NEK8: variants seen among roughly 807,000 people sequenced by gnomAD.
NEK8 encodes serine/threonine-protein kinase Nek8.
NEK8 carries 51 observed loss-of-function variants against 77.2 expected under a neutral mutation model. That is an observed-to-expected ratio of 0.66 (90% CI 0.53 to 0.83). The LOEUF (loss-of-function observed/expected upper bound fraction) is 0.83. Among genes scored for constraint, NEK8 ranks in the 40% least tolerant of loss-of-function variants. NEK8 has a pLI of 0.00. For synonymous variants in NEK8, 365 were observed against 363.2 expected, an observed-to-expected ratio of 1.00 and a Z score of -0.06; for missense variants, 787 against 909.2, an observed-to-expected ratio of 0.87 and a Z score of 1.73.
intron 10 of NEK8, among the ~76,000 whole-genome samples, chr17:28,739,733 C>G (rs1201222805): frequency 6.6e-6 from 1 of 151,992 alleles, no homozygotes. Context: ...AGGCGTGAGC[C>G]ACCACGCCTG....
In NEK8 at chr17:28,740,593, C is replaced by G. The variant is rs750034321; in HGVS notation, c.1548C>G (p.Ala516=). The change falls in exon 11 of 15, where the codon GCC becomes GCG. Residue 516 remains alanine (A), a synonymous_variant. Transcript: ENST00000268766. The surrounding 1 kb of genome is among the most constrained non-coding windows in gnomAD (Gnocchi z 4.7). ...TGATCCTCACTGTGCCTGGCCAAGC[C>G]CTAGCCTGTGGGAGCAACAGGTGAA... ...SSMILTVPGQ[A]LACGSNRFNK... 2 of 1,614,080 alleles carry G rather than the reference C, an allele frequency of 1.2e-6. No individual in the cohort carries two copies. Among genetic ancestry groups the G allele is most frequent in the Non-Finnish European group, 1.7e-6 (2 of 1,180,040 alleles).
Position 28,741,443 on chromosome 17 carries a change from C to T in NEK8, c.1922C>T (p.Ala641Val), listed in dbSNP as rs1321601981. 3.1e-6 allele frequency: 5 copies of T among 1,614,056 alleles called. No individual in the cohort carries two copies. Among genetic ancestry groups the T allele is most frequent in the Non-Finnish European group, 4.2e-6 (5 of 1,180,002 alleles). ...GAAGTGTACTCTTGGGGCAAAGGGG[C>T]GCGAGGTCGATTGGGAAGGAGGGAT... ...ESEVYSWGKG[A>V]RGRLGRRDED... Residue 641 changes from alanine (A) to valine (V), a missense_variant, in exon 14 of 15, where the codon GCG becomes GTG. Physicochemically the swap from Ala to Val is moderately conservative, Grantham distance 64 (BLOSUM62 0). Around this residue, in one of 2 missense-constraint regions of NEK8, gnomAD observed 516 missense variants for 544.0 expected, o/e 0.95. Transcript: ENST00000268766. This position sits in a 1 kb window ranked among gnomAD's most constrained non-coding sequence, Gnocchi z 4.5.
In NEK8 at chr17:28,737,358, C is replaced by G; in HGVS notation, c.671C>G (p.Ser224Cys). Reference sequence around the variant, plus strand: ...ATGAGTGGCACCTTTGCACCTATCTCTGACCGGTACAGCCCTGAGCTTCGC... The same window carrying G: ...ATGAGTGGCACCTTTGCACCTATCTGTGACCGGTACAGCCCTGAGCTTCGC... ...KIMSGTFAPISDRYSPELRQL... is the reference protein window; with the variant it reads ...KIMSGTFAPICDRYSPELRQL... Residue 224 changes from serine to cysteine, a missense_variant, in exon 5 of 15, where the codon TCT becomes TGT. Transcript: ENST00000268766. The surrounding 1 kb of genome is among the most constrained non-coding windows in gnomAD (Gnocchi z 4.8). 6.2e-7 allele frequency: 1 copy of G among 1,613,910 alleles called. No homozygotes were observed. The highest frequency in any genetic ancestry group is 8.5e-7 in the Non-Finnish European group (1 of 1,180,004).
intron 1 of NEK8, among the ~76,000 whole-genome samples, chr17:28,729,500 C>T (rs1272256784): frequency 6.6e-6 from 1 of 150,896 alleles, no homozygotes; most frequent in Non-Finnish European, 1.5e-5. Context: ...GGATTACAGG[C>T]GTGCGCCACC....
chr17:28,736,227 A>G (rs2034364422), intron 4 of NEK8, among the ~76,000 whole-genome samples: 1 of 152,208 alleles, frequency 6.6e-6, no homozygotes, highest in Non-Finnish European at 1.5e-5. Context: ...TAGTGCCACA[A>G]TAAACATACG....
At position 28,734,031 on chromosome 17, in the gene NEK8, C is replaced by G. The variant is rs774871392; in HGVS notation, c.96C>G (p.Ile32Met). 1 of 1,614,232 alleles carries G rather than the reference C, an allele frequency of 6.2e-7. No individual in the cohort carries two copies. ...LRKADQKLVIIKQIPVEQMTK... is the reference protein window; with the variant it reads ...LRKADQKLVIMKQIPVEQMTK... ...AGGCTGACCAGAAGCTGGTGATCAT[C>G]AAGCAGATTCCAGTGGAACAGATGA... Residue 32 changes from isoleucine to methionine, a missense_variant, in exon 2 of 15, where the codon ATC (isoleucine) becomes ATG (methionine). Ile to Met is a conservative substitution (Grantham distance 10). This residue lies in a region of NEK8 where 271 missense variants were observed against 365.1 expected (regional missense o/e 0.74). Coordinates refer to ENST00000268766, the MANE Select transcript of NEK8 (RefSeq NM_178170.3).
rs537909294 is a variant in NEK8, at chr17:28,730,958, G to C, written c.47+2098G>C. Among the ~76,000 whole-genome samples the C allele has an allele frequency of 1.5e-4, 23 of 151,326 alleles. No homozygotes were observed. In the South Asian group the frequency reaches 4.2e-3, roughly 28 times the overall value. On this transcript the variant is annotated intron_variant, in intron 1 of 14. Coordinates refer to ENST00000268766, the MANE Select transcript of NEK8 (RefSeq NM_178170.3). The stretch of plus-strand genomic sequence containing the variant: ...TAATACAAGAAAAAAAGAAAGAAAG[G>C]AAAGAAAGAAGGGGCCGGGCACGGT...
At chr17:28,738,047 C>T (rs1268368189) in intron 7 of NEK8, 47 bp downstream of exon 7, 1 of 1,612,976 alleles carries the variant, frequency 6.2e-7, no homozygotes, top group East Asian at 2.2e-5. Context: ...TGGAGGTCCA[C>T]AGCAGGGTTG....
rs2034377802 is a variant in NEK8, at chr17:28,737,601, G to A, written c.828-74G>A. The stretch of plus-strand genomic sequence containing the variant: ...GGAGGTCTGAGGCAGAGGGAAACCT[G>A]GGGCAAGTCCTCCCTTCCTGCATGT... On this transcript the variant is annotated intron_variant, in intron 5 of 14. Transcript: ENST00000268766. This position sits in a 1 kb window ranked among gnomAD's most constrained non-coding sequence, Gnocchi z 4.8. 6.2e-7 allele frequency: 1 copy of A among 1,613,718 alleles called. No homozygotes were observed. Among genetic ancestry groups the A allele is most frequent in the Admixed American group, 1.7e-5 (1 of 59,966 alleles).
In NEK8 at chr17:28,740,582, C is replaced by T; in HGVS notation, c.1537C>T (p.Pro513Ser). The change falls in exon 11 of 15, where the codon CCT becomes TCT. Residue 513 changes from proline (P) to serine (S), a missense_variant. Physicochemically the swap from Pro to Ser is moderately conservative, Grantham distance 74. This residue lies in a region of NEK8 where 516 missense variants were observed against 544.0 expected (regional missense o/e 0.95). Coordinates refer to ENST00000268766, the MANE Select transcript of NEK8 (RefSeq NM_178170.3). The surrounding 1 kb of genome is among the most constrained non-coding windows in gnomAD (Gnocchi z 4.7). ...CGATTCCTCCATGATCCTCACTGTG[C>T]CTGGCCAAGCCCTAGCCTGTGGGAG... Reference protein sequence around the residue: ...GIDSSMILTVPGQALACGSNR... With the variant: ...GIDSSMILTVSGQALACGSNR... 7 of 1,614,196 alleles carry T rather than the reference C, an allele frequency of 4.3e-6. No individual in the cohort carries two copies. Among genetic ancestry groups the T allele is most frequent in the Non-Finnish European group, 5.9e-6 (7 of 1,180,030 alleles).
chr17:28,742,096 T>G lies in NEK8; in HGVS notation c.*109T>G. On this transcript the variant is annotated 3_prime_UTR_variant, in exon 15 of 15. Transcript: ENST00000268766. ...TGCAGCTGTCTCCTGGATTGTGTCATCATGGGGTATCAGGGCTGGCAAAAC... is the reference window on the plus strand; with the variant it reads ...TGCAGCTGTCTCCTGGATTGTGTCAGCATGGGGTATCAGGGCTGGCAAAAC... The G allele has an allele frequency of 8.9e-7, 1 of 1,118,096 alleles. No individual in the cohort carries two copies. Among genetic ancestry groups the G allele is most frequent in the Non-Finnish European group, 1.4e-6 (1 of 728,188 alleles). The allele number at this position is 1,118,096 out of a possible 1,614,324, so 69.3% of individuals were successfully genotyped here. A position where few individuals can be genotyped will look rare whatever the true frequency, so the allele number is the denominator to read the frequency against.
rs1260596947 is a variant in NEK8, at chr17:28,738,567, G to T, written c.1223-104G>T. The T allele has an allele frequency of 4.0e-6, 4 of 996,520 alleles. No individual in the cohort carries two copies. In the African/African-American group the frequency reaches 4.8e-5, roughly 12 times the overall value. The allele number at this position is 996,520 out of a possible 1,614,324, so 61.7% of individuals were successfully genotyped here. Reference sequence around the variant, plus strand: ...TTCCTATCCCATCCTTCCAGCCCTGGTCCCCAACTTTATTTTGCTGCTGCA... The same window carrying T: ...TTCCTATCCCATCCTTCCAGCCCTGTTCCCCAACTTTATTTTGCTGCTGCA... On this transcript the variant is annotated intron_variant, in intron 8 of 14. Transcript: ENST00000268766.
At chr17:28,730,981 G>A (rs1001487032) in intron 1 of NEK8, among the ~76,000 whole-genome samples, 12 of 151,170 alleles carry the variant, frequency 7.9e-5, no homozygotes, top group Admixed American at 7.2e-4. Flanking sequence ...GGCCGGGCAC[G>A]GTGGCTCAGG....
Position 28,741,219 on chromosome 17 carries a change from C to G in NEK8, c.1874C>G (p.Thr625Ser). ...MAMVACGDAF[T>S]VAIGAESEVY... ...ATGGTAGCCTGTGGGGATGCCTTCA[C>G]TGTAGCTATTGGGGCAGGTGAGGAC... is the stretch of plus-strand genomic sequence containing the variant. The change falls in exon 13 of 15, where the codon ACT becomes AGT. Residue 625 changes from threonine to serine, a missense_variant. Coordinates refer to ENST00000268766, the MANE Select transcript of NEK8 (RefSeq NM_178170.3). This position sits in a 1 kb window ranked among gnomAD's most constrained non-coding sequence, Gnocchi z 4.5. The G allele has an allele frequency of 6.2e-7, 1 of 1,609,272 alleles. No individual in the cohort carries two copies. The highest frequency in any genetic ancestry group is 1.7e-5 in the Admixed American group (1 of 59,824).
chr17:28,735,423 A>G (rs2034354704), intron 4 of NEK8, 52 bp downstream of exon 4: 1 of 1,588,636 alleles, frequency 6.3e-7, no homozygotes, highest in African/African-American at 1.3e-5. Flanking sequence ...TGCCTCGCCC[A>G]GCAGCCCTTG....
At chr17:28,728,908 A>G in intron 1 of NEK8, 48 bp downstream of exon 1, 2 of 1,495,978 alleles carry the variant, frequency 1.3e-6, no homozygotes, top group Non-Finnish European at 1.8e-6. Context: ...TAGGGAAAAT[A>G]AGCCCCAATT....
chr17:28,737,950 C>A lies in NEK8; in HGVS notation c.1021C>A (p.Arg341Ser). 1 of 1,612,700 alleles carries A rather than the reference C, an allele frequency of 6.2e-7. No individual in the cohort carries two copies. Among genetic ancestry groups the A allele is most frequent in the South Asian group, 1.1e-5 (1 of 91,046 alleles). Residue 341 changes from arginine to serine, a missense_variant, in exon 7 of 15, where the codon CGC becomes AGC. Around this residue, in one of 2 missense-constraint regions of NEK8, gnomAD observed 516 missense variants for 544.0 expected, o/e 0.95. Transcript: ENST00000268766. The surrounding 1 kb of genome is among the most constrained non-coding windows in gnomAD (Gnocchi z 4.8). ...AGAGGTGGTCCAGGTGGCAGCTGGG[C>A]GCACGCAGAAAGCCGGCGTCACGCG... The part of the protein sequence containing the change: ...NTEVVQVAAG[R>S]TQKAGVTRSG...
intron 10 of NEK8, among the ~76,000 whole-genome samples, chr17:28,739,630 G>A (rs2034400307): frequency 6.6e-6 from 1 of 152,108 alleles, no homozygotes; most frequent in Non-Finnish European, 1.5e-5. Context: ...TGTATTTTTA[G>A]TAGAGACAGG....
intron 1 of NEK8, among the ~76,000 whole-genome samples, chr17:28,730,614 T>G (rs1041335721): frequency 6.6e-6 from 1 of 152,092 alleles, no homozygotes; most frequent in African/African-American, 2.4e-5. Context: ...TCCTGAGACT[T>G]GGCAGAGTTT....
Sources: gnomAD v4.1 joint callset for allele counts (sites outside exome capture counted in the v4.1 genomes callset) on GRCh38, gnomAD v4.1.1 for gene constraint, gnomAD v4.1.1 regional missense constraint, Gnocchi (gnomAD v3.1) non-coding constraint, MANE v1.5 for transcripts, NCBI Gene and HGNC (gene_info 2026-07-23, HGNC 2026-07-21) for gene names.